Variants in PLIN5 observed in about 807,000 individuals in gnomAD.
PLIN5 encodes perilipin 5, also known as perilipin-5.
In PLIN5, 34 loss-of-function variants were observed where a neutral mutation model predicts 32.8. The observed-to-expected ratio is 1.04, with a 90% CI of 0.79 to 1.38. The LOEUF (loss-of-function observed/expected upper bound fraction) is 1.38. Among genes scored for constraint, PLIN5 ranks in the 40% most tolerant of loss-of-function variants. The probability of loss-of-function intolerance (pLI) is 0.00; values close to 1 mark genes in which losing one functional copy is unlikely to be tolerated. For missense variants in PLIN5, 712 were observed against 660.5 expected, an observed-to-expected ratio of 1.08 and a Z score of -0.85; for synonymous variants, 309 against 292.9, an observed-to-expected ratio of 1.05 and a Z score of -0.56.
chr19:4,531,919 G>C, intron 2 of PLIN5, 97 bp from the exon 3 acceptor site: 1 of 1,283,548 alleles, frequency 7.8e-7, no homozygotes, highest in Non-Finnish European at 1.0e-6. Context: ...CGAGGGATGG[G>C]AGAGTGGAAG....
rs775045784 is a variant in PLIN5 at position 4,523,217 on chromosome 19, G to A, written c.*311C>T. Reference sequence around the variant, plus strand: ...TGGGATTACAGGCGTGAGCCACTGTGCCCAGCCTCTTGGAAAGATTTGGAT... The same window carrying A: ...TGGGATTACAGGCGTGAGCCACTGTACCCAGCCTCTTGGAAAGATTTGGAT... On this transcript the variant is annotated 3_prime_UTR_variant, in exon 8 of 8. Transcript: ENST00000381848. The surrounding 1 kb of genome is among the most constrained non-coding windows in gnomAD (Gnocchi z 5.0). 1.4e-5 allele frequency: 4 copies of A among 287,702 alleles called. No homozygotes were observed. Among genetic ancestry groups the A allele is most frequent in the Non-Finnish European group, 2.6e-5 (4 of 155,374 alleles). 17.8% of individuals were successfully genotyped at this position (287,702 alleles called of 1,614,324 possible).
At chr19:4,531,394 C>T (rs1003683321) in intron 3 of PLIN5, among the ~76,000 whole-genome samples, 5 of 152,082 alleles carry the variant, frequency 3.3e-5, no homozygotes, top group African/African-American at 9.7e-5. Context: ...CCTCCTTCCT[C>T]GGCCTCCCAA....
At chr19:4,528,167 C>A (rs193090906) in intron 5 of PLIN5, among the ~76,000 whole-genome samples, 72 of 152,118 alleles carry the variant, frequency 4.7e-4, no homozygotes, top group African/African-American at 1.6e-3. Flanking sequence ...CCTCGGCCCC[C>A]CAAAGTGCTG....
At position 4,531,687 on chromosome 19, in the gene PLIN5, C is replaced by T. The variant is rs1453418582; in HGVS notation, c.196G>A (p.Gly66Ser). 8.4e-6 allele frequency: 13 copies of T among 1,554,474 alleles called. No individual in the cohort carries two copies. Among genetic ancestry groups the T allele is most frequent in the South Asian group, 2.4e-5 (2 of 84,368 alleles). ...TGGTCCAGGGCACGGGTGGTCAGGC[C>T]GCACACGCAGTTCTCAGCCAGGCGG... The part of the protein sequence containing the change: ...ACRLAENCVC[G>S]LTTRALDHAQ... The change falls in exon 3 of 8, where the codon GGC becomes AGC. Residue 66 changes from glycine (G) to serine (S), a missense_variant. Physicochemically the swap from Gly to Ser is moderately conservative, Grantham distance 56 (BLOSUM62 0). Coordinates refer to ENST00000381848, the MANE Select transcript of PLIN5 (RefSeq NM_001013706.3).
chr19:4,534,048 G>C lies in PLIN5; in HGVS notation c.27C>G (p.Ile9Met). The change falls in exon 2 of 8, where the codon ATC becomes ATG. Residue 9 changes from isoleucine to methionine, a missense_variant. Physicochemically the swap from Ile to Met is conservative, Grantham distance 10. Transcript: ENST00000381848. ...CCTGCTCCCACACACTGGATCTGGG[G>C]ATCTGAGCCGCCTCTTCTTCAGACA... Reference protein sequence around the residue: MSEEEAAQIPRSSVWEQDQ... With the variant: MSEEEAAQMPRSSVWEQDQ... 1 of 1,613,250 alleles carries C rather than the reference G, an allele frequency of 6.2e-7. No individual in the cohort carries two copies.
intron 3 of PLIN5, among the ~76,000 whole-genome samples, chr19:4,530,303 C>T (rs888635999): frequency 6.6e-6 from 1 of 152,148 alleles, no homozygotes; most frequent in African/African-American, 2.4e-5. Flanking sequence ...GGCGACTTTT[C>T]AGCCGTGCCC....
intron 2 of PLIN5, chr19:4,533,386 C>G (rs111485047): frequency 1.3e-5 from 2 of 152,780 alleles, no homozygotes; most frequent in African/African-American, 4.8e-5. Context: ...TCTGAGCCAC[C>G]GCACCCAGCC....
chr19:4,531,625 A>C lies in PLIN5; in HGVS notation c.256+2T>G, dbSNP rs1402187572. On this transcript the variant is annotated splice_donor_variant, in intron 3 of 7. Coordinates refer to ENST00000381848, the MANE Select transcript of PLIN5 (RefSeq NM_001013706.3). LOFTEE classifies it high-confidence loss of function. ...CCCAGGGACACGGGCCAGGGCACTC[A>C]CGCTGGGGCTGCAGGTGCTCGAGCA... 1 of 1,511,608 alleles carries C rather than the reference A, an allele frequency of 6.6e-7. No homozygotes were observed. The highest frequency in any genetic ancestry group is 8.8e-7 in the Non-Finnish European group (1 of 1,130,916). 93.6% of individuals were successfully genotyped at this position (1,511,608 alleles called of 1,614,324 possible).
Position 4,529,257 on chromosome 19 carries a change from G to C in PLIN5, c.340-4C>G. 1 of 1,594,872 alleles carries C rather than the reference G, an allele frequency of 6.3e-7. No individual in the cohort carries two copies. The highest frequency in any genetic ancestry group is 2.3e-5 in the East Asian group (1 of 43,848). ...CGTCCTTGGCTGAGGTCACCACCTGGAAGGAAGGGCCCCCCCACTCCAGGC... is the reference window on the plus strand; with the variant it reads ...CGTCCTTGGCTGAGGTCACCACCTGCAAGGAAGGGCCCCCCCACTCCAGGC... On this transcript the variant is annotated splice_polypyrimidine_tract_variant and splice_region_variant and intron_variant, in intron 4 of 7. Coordinates refer to ENST00000381848, the MANE Select transcript of PLIN5 (RefSeq NM_001013706.3).
chr19:4,526,414 GT>G (rs1555695450), intron 5 of PLIN5, among the ~76,000 whole-genome samples: 1 of 152,110 alleles, frequency 6.6e-6, no homozygotes, highest in Non-Finnish European at 1.5e-5. Context: ...TAGAGACGGG[GT>G]TTCACCATGT....
At position 4,525,123 on chromosome 19, in the gene PLIN5, A is replaced by G. The variant is rs1599761134; in HGVS notation, c.721-47T>C. On this transcript the variant is annotated intron_variant, in intron 6 of 7. Transcript: ENST00000381848. The surrounding 1 kb of genome is among the most constrained non-coding windows in gnomAD (Gnocchi z 5.6). Reference sequence around the variant, plus strand: ...TCTTCAGAGCTGGGGGAGCTGGGGGAGCTGGGGGTCGGGGTGGGGTCCAGG... The same window carrying G: ...TCTTCAGAGCTGGGGGAGCTGGGGGGGCTGGGGGTCGGGGTGGGGTCCAGG... The G allele has an allele frequency of 5.2e-6, 2 of 385,554 alleles. No individual in the cohort carries two copies. The highest frequency in any genetic ancestry group is 1.1e-4 in the East Asian group (1 of 8,786). The allele number at this position is 385,554 out of a possible 1,614,324, so 23.9% of individuals were successfully genotyped here.
intron 5 of PLIN5, chr19:4,528,741 G>A (rs542269976): frequency 1.4e-5 from 3 of 208,138 alleles, no homozygotes; most frequent in Admixed American, 6.0e-5. Context: ...GCCAAGAATC[G>A]GGACATGTAA....
rs1455766311 is a variant in PLIN5, at chr19:4,523,753, CA to C, written c.1166del (p.Leu389ArgfsTer69). The stretch of plus-strand genomic sequence containing the variant: ...CGTCCACCAGGTCCGCCAGGTCGGG[CA>C]GGGGCTCGGGTCGCTCCACAAGGAT... ...APILVERPEPLPDLADLVDEV... is the reference protein window; with the variant it reads ...APILVERPEPXPDLADLVDEV... On this transcript the variant is annotated frameshift_variant, in exon 8 of 8. Coordinates refer to ENST00000381848, the MANE Select transcript of PLIN5 (RefSeq NM_001013706.3). LOFTEE classifies it low-confidence loss of function (END_TRUNC). The surrounding 1 kb of genome is among the most constrained non-coding windows in gnomAD (Gnocchi z 5.0). The C allele has an allele frequency of 1.9e-6, 3 of 1,600,232 alleles. No individual in the cohort carries two copies. The highest frequency in any genetic ancestry group is 1.7e-6 in the Non-Finnish European group (2 of 1,179,512).
At chr19:4,529,896 C>T (rs372388117) in intron 3 of PLIN5, 30 bp from the exon 4 acceptor site, 23 of 1,479,376 alleles carry the variant, frequency 1.6e-5, no homozygotes, top group Admixed American at 3.6e-5. Flanking sequence ...GAGTGAGACT[C>T]GGGGAGACGC....
At position 4,525,300 on chromosome 19, in the gene PLIN5, C is replaced by T. The variant is rs1409758102; in HGVS notation, c.721-224G>A. On this transcript the variant is annotated intron_variant, in intron 6 of 7. Transcript: ENST00000381848. The surrounding 1 kb of genome is among the most constrained non-coding windows in gnomAD (Gnocchi z 5.6). ...GACCTGACTCAGGGGCTCACAGGTG[C>T]CCTCTGGTGGCTGCTGCGGGGAGGG... Among the ~76,000 whole-genome samples the T allele has an allele frequency of 2.0e-5, 3 of 152,110 alleles. No individual in the cohort carries two copies. Among genetic ancestry groups the T allele is most frequent in the Non-Finnish European group, 4.4e-5 (3 of 68,008 alleles).
At chr19:4,531,576 G>A (rs1329069779) in intron 3 of PLIN5, 51 bp downstream of exon 3, 6 of 1,453,686 alleles carry the variant, frequency 4.1e-6, no homozygotes, top group South Asian at 2.8e-5. Flanking sequence ...ACAGGGGGCG[G>A]TGGGGGGGTG....
At chr19:4,529,731 T>G in intron 4 of PLIN5, 53 bp downstream of exon 4, 27 of 853,158 alleles carry the variant, frequency 3.2e-5, no homozygotes, top group Non-Finnish European at 4.8e-5. Context: ...CCCTCCCGCC[T>G]CTAATCTGGC....
chr19:4,531,275 A>G (rs1345631368), intron 3 of PLIN5, among the ~76,000 whole-genome samples: 1 of 152,116 alleles, frequency 6.6e-6, no homozygotes, highest in Non-Finnish European at 1.5e-5. Flanking sequence ...CTGGGATTAC[A>G]GGCATGAGCC....
Position 4,523,396 on chromosome 19 carries a change from G to T in PLIN5, c.*132C>A. ...GAGTCCAATACCAAAAAGGTGGTCA[G>T]AGATCCGGAGTTGGGCCTGATTCCA... is the stretch of plus-strand genomic sequence containing the variant. On this transcript the variant is annotated 3_prime_UTR_variant, in exon 8 of 8. Coordinates refer to ENST00000381848, the MANE Select transcript of PLIN5 (RefSeq NM_001013706.3). This position sits in a 1 kb window ranked among gnomAD's most constrained non-coding sequence, Gnocchi z 5.0. 1 of 1,071,284 alleles carries T rather than the reference G, an allele frequency of 9.3e-7. No individual in the cohort carries two copies. 66.4% of individuals were successfully genotyped at this position (1,071,284 alleles called of 1,614,324 possible). A position where few individuals can be genotyped will look rare whatever the true frequency, so the allele number is the denominator to read the frequency against.
Sources: gnomAD v4.1 joint callset for allele counts (sites outside exome capture counted in the v4.1 genomes callset) on GRCh38, gnomAD v4.1.1 for gene constraint, Gnocchi (gnomAD v3.1) non-coding constraint, MANE v1.5 for transcripts, NCBI Gene and HGNC (gene_info 2026-07-23, HGNC 2026-07-21) for gene names.